MAP6: variants seen among roughly 807,000 people sequenced by gnomAD.
MAP6 encodes the protein microtubule-associated protein 6.
In MAP6, 26 loss-of-function variants were observed where a neutral mutation model predicts 42.4. That is an observed-to-expected ratio of 0.61 (90% CI 0.45 to 0.85). MAP6 has a LOEUF of 0.85. MAP6 is among the 40% of genes least tolerant of loss of function. MAP6 has a pLI of 0.00. For missense variants in MAP6, 966 were observed against 1,099.0 expected, an observed-to-expected ratio of 0.88 and a Z score of 1.71; for synonymous variants, 418 against 443.8, an observed-to-expected ratio of 0.94 and a Z score of 0.73.
At chr11:75,648,692 C>T (rs560146363) in intron 1 of MAP6, among the ~76,000 whole-genome samples, 1 of 152,010 alleles carries the variant, frequency 6.6e-6, no homozygotes, top group African/African-American at 2.4e-5. Context: ...AGGTAAAAGA[C>T]AAACCACAGA....
chr11:75,658,401 C>CA (rs886126233), intron 1 of MAP6, among the ~76,000 whole-genome samples: 16 of 104,092 alleles, frequency 1.5e-4, no homozygotes, highest in African/African-American at 5.2e-4. Context: ...TCTCCACCCC[C>CA]CCCGCCCCAG....
At chr11:75,632,434 G>A (rs1246403409) in intron 1 of MAP6, among the ~76,000 whole-genome samples, 1 of 152,170 alleles carries the variant, frequency 6.6e-6, no homozygotes, top group South Asian at 2.1e-4. Context: ...AGACAGGCAT[G>A]GTGAAGTGGA....
rs770402696 is a variant in MAP6, at chr11:75,587,996, A to G, written c.1505T>C (p.Leu502Ser). The change falls in exon 4 of 4, where the codon TTA (leucine) becomes TCA (serine). Residue 502 changes from leucine to serine, a missense_variant. Coordinates refer to ENST00000304771, the MANE Select transcript of MAP6 (RefSeq NM_033063.2). ...PPKDLGPMIP[L>S]PVKDQDHTVP... ...CGTGTGATCTTGATCCTTGACTGGT[A>G]ATGGGATCATGGGACCTAGATCCTT... 2 of 1,614,034 alleles carry G rather than the reference A, an allele frequency of 1.2e-6. No homozygotes were observed. The highest frequency in any genetic ancestry group is 1.7e-5 in the Admixed American group (1 of 60,014).
At chr11:75,662,753 C>T (rs1206618451) in intron 1 of MAP6, among the ~76,000 whole-genome samples, 1 of 151,990 alleles carries the variant, frequency 6.6e-6, no homozygotes, top group Non-Finnish European at 1.5e-5. Context: ...ACTTGGTTGC[C>T]CAGGCTACAC....
chr11:75,660,664 C>A (rs866919842), intron 1 of MAP6, among the ~76,000 whole-genome samples: 10 of 152,136 alleles, frequency 6.6e-5, no homozygotes, highest in African/African-American at 2.4e-4. Flanking sequence ...ATTGGCCTTC[C>A]CTTCTCTAAT....
intron 1 of MAP6, among the ~76,000 whole-genome samples, chr11:75,656,761 C>A (rs1374581490): frequency 2.0e-5 from 3 of 152,196 alleles, no homozygotes; most frequent in Non-Finnish European, 4.4e-5. Flanking sequence ...GAGCTTCAAG[C>A]TCTATCTCCA....
chr11:75,634,669 T>G (rs1943340718), intron 1 of MAP6, among the ~76,000 whole-genome samples: 1 of 152,226 alleles, frequency 6.6e-6, no homozygotes. Context: ...TGGCTCTTAT[T>G]AGAACTTTCA....
chr11:75,638,221 G>A (rs566174250), intron 1 of MAP6, among the ~76,000 whole-genome samples: 8 of 152,316 alleles, frequency 5.3e-5, no homozygotes, highest in South Asian at 4.1e-4. Flanking sequence ...CCACTCCCAG[G>A]AAGTGTCCTA....
intron 1 of MAP6, among the ~76,000 whole-genome samples, chr11:75,615,692 GCTT>G (rs1942983510): frequency 6.6e-6 from 1 of 152,184 alleles, no homozygotes; most frequent in Non-Finnish European, 1.5e-5. Flanking sequence ...CCAGCGCCAG[GCTT>G]CTTTCTGAGC....
intron 3 of MAP6, among the ~76,000 whole-genome samples, chr11:75,595,288 A>G (rs145898513): frequency 6.6e-6 from 1 of 152,216 alleles, no homozygotes; most frequent in African/African-American, 2.4e-5. Context: ...CTCCAGGGCC[A>G]CCCTTTTAGT....
At chr11:75,655,240 C>T (rs2135685251) in intron 1 of MAP6, among the ~76,000 whole-genome samples, 1 of 152,268 alleles carries the variant, frequency 6.6e-6, no homozygotes, top group East Asian at 1.9e-4. Flanking sequence ...CAAATAAATC[C>T]AACCTAATTC....
At chr11:75,661,102 TA>T (rs1172419749) in intron 1 of MAP6, among the ~76,000 whole-genome samples, 1 of 152,014 alleles carries the variant, frequency 6.6e-6, no homozygotes, top group Admixed American at 6.6e-5. Context: ...ATTATAAAAT[TA>T]GAAGAAATGT....
chr11:75,604,452 C>T (rs942872098), intron 3 of MAP6: 18 of 985,332 alleles, frequency 1.8e-5, no homozygotes, highest in South Asian at 4.7e-5. Context: ...GGGCTTGACA[C>T]CGGACGGCAG....
intron 3 of MAP6, chr11:75,605,258 A>G: frequency 9.2e-6 from 9 of 983,414 alleles, no homozygotes; most frequent in Non-Finnish European, 9.6e-6. Flanking sequence ...AACAGACACA[A>G]CTCCCTTTTA....
chr11:75,652,941 T>C (rs1179736527), intron 1 of MAP6, among the ~76,000 whole-genome samples: 8 of 152,110 alleles, frequency 5.3e-5, no homozygotes, highest in Non-Finnish European at 1.0e-4. Context: ...ACAGTTCTGT[T>C]TATGGACAGG....
chr11:75,624,816 C>T (rs1398235641), intron 1 of MAP6, among the ~76,000 whole-genome samples: 1 of 152,204 alleles, frequency 6.6e-6, no homozygotes, highest in African/African-American at 2.4e-5. Context: ...TTCCAATGGA[C>T]AACAAGTGCC....
chr11:75,599,875 C>A (rs1387168919), intron 3 of MAP6, among the ~76,000 whole-genome samples: 1 of 152,234 alleles, frequency 6.6e-6, no homozygotes, highest in African/African-American at 2.4e-5. Context: ...GCTTCCCTTT[C>A]TCCTCTGTTA....
intron 2 of MAP6, chr11:75,607,538 A>C: frequency 3.0e-6 from 3 of 985,456 alleles, no homozygotes; most frequent in Non-Finnish European, 3.6e-6. Flanking sequence ...TTTGGTAACA[A>C]ATGCTGGGAA....
At chr11:75,588,254 C>A in intron 3 of MAP6, 70 bp from the exon 4 acceptor site, 1 of 1,442,956 alleles carries the variant, frequency 6.9e-7, no homozygotes, top group Non-Finnish European at 9.3e-7. Flanking sequence ...GTACAGATTG[C>A]CTAATAAGTC....
Sources: allele counts gnomAD v4.1 joint callset (sites outside exome capture counted in the v4.1 genomes callset), GRCh38; gene constraint gnomAD v4.1.1; transcripts MANE v1.5; gene names NCBI Gene and HGNC (gene_info 2026-07-23, HGNC 2026-07-21).